CD46: variants seen among roughly 807,000 people sequenced by gnomAD.
The protein encoded by CD46 is CD46 molecule, also known as membrane cofactor protein.
In CD46, 30 loss-of-function variants were observed where a neutral mutation model predicts 53.3. That is an observed-to-expected ratio of 0.56 (90% CI 0.42 to 0.76). CD46 has a LOEUF of 0.76. CD46 is among the 30% of genes least tolerant of loss of function. The probability of loss-of-function intolerance (pLI) is 0.00; values close to 1 mark genes in which losing one functional copy is unlikely to be tolerated. For missense variants in CD46, 409 were observed against 463.0 expected (o/e 0.88, Z 1.07); for synonymous variants, 142 against 152.0 (o/e 0.93, Z 0.48).
chr1:207,778,200 C>T (rs992648465), intron 8 of CD46, among the ~76,000 whole-genome samples: 2 of 152,032 alleles, frequency 1.3e-5, no homozygotes, highest in African/African-American at 2.4e-5. Context: ...TTGTCAGATG[C>T]ATAGTTTGCA....
intron 4 of CD46, chr1:207,760,891 G>A (rs1490960515): frequency 1.6e-5 from 4 of 254,686 alleles, no homozygotes; most frequent in African/African-American, 4.6e-5. Context: ...CCAAGGGGAC[G>A]GTGCTAAACC....
In CD46 at chr1:207,783,337, A is replaced by G. The variant is rs2102680474; in HGVS notation, c.982+7A>G. On this transcript the variant is annotated splice_region_variant and intron_variant, in intron 9 of 12. Coordinates refer to ENST00000367042, the MANE Select transcript of CD46 (RefSeq NM_172351.3). Reference sequence around the variant, plus strand: ...GGAATACTTGACAGTTTGGGTTGGTATAGCTATCATGACAAATATAAGTGG... The same window carrying G: ...GGAATACTTGACAGTTTGGGTTGGTGTAGCTATCATGACAAATATAAGTGG... The G allele has an allele frequency of 6.5e-7, 1 of 1,531,492 alleles. No homozygotes were observed. Among genetic ancestry groups the G allele is most frequent in the East Asian group, 2.3e-5 (1 of 44,332 alleles). 94.9% of individuals were successfully genotyped at this position (1,531,492 alleles called of 1,614,324 possible).
At chr1:207,767,728 C>T in intron 6 of CD46, 51 bp from the exon 7 acceptor site, 1 of 1,589,414 alleles carries the variant, frequency 6.3e-7, no homozygotes. Context: ...AAATTGCCAG[C>T]AATAACTCCC....
intron 1 of CD46, among the ~76,000 whole-genome samples, chr1:207,754,831 T>C (rs1655338865): frequency 6.7e-6 from 1 of 148,798 alleles, no homozygotes; most frequent in Admixed American, 6.8e-5. Flanking sequence ...TAGGGAGTAG[T>C]GGTGATAAGA....
chr1:207,780,155 A>G (rs1240540069), intron 8 of CD46, among the ~76,000 whole-genome samples: 5 of 151,886 alleles, frequency 3.3e-5, no homozygotes, highest in Non-Finnish European at 7.4e-5. Context: ...TCTACTCATT[A>G]AACAGTAACT....
intron 5 of CD46, among the ~76,000 whole-genome samples, chr1:207,766,454 A>G (rs1656859447): frequency 6.6e-6 from 1 of 152,146 alleles, no homozygotes. Context: ...CCTGTGGGAG[A>G]GTATCAAGCA....
chr1:207,792,641 T>G (rs2102721810), intron 12 of CD46, among the ~76,000 whole-genome samples: 1 of 152,348 alleles, frequency 6.6e-6, no homozygotes. Context: ...ATGTGTTTGC[T>G]GTGGCACACA....
intron 9 of CD46, 94 bp downstream of exon 9, chr1:207,783,424 G>GGT: frequency 2.6e-6 from 2 of 776,192 alleles, no homozygotes; most frequent in Non-Finnish European, 4.7e-6. Flanking sequence ...TAGGATCCTT[G>GGT]GTAGGGTAAG....
chr1:207,768,189 C>A, intron 7 of CD46: 1 of 221,276 alleles, frequency 4.5e-6, no homozygotes, highest in Non-Finnish European at 9.0e-6. Context: ...TTAGAGCTAG[C>A]CAATATGACT....
intron 8 of CD46, among the ~76,000 whole-genome samples, chr1:207,773,306 T>C (rs1657723619): frequency 6.6e-6 from 1 of 152,212 alleles, no homozygotes; most frequent in African/African-American, 2.4e-5. Flanking sequence ...TTTATTAGTC[T>C]TGCTAGCGGT....
Position 207,794,306 on chromosome 1 carries a change from G to T in CD46, c.*829G>T, listed in dbSNP as rs1660061263. On this transcript the variant is annotated 3_prime_UTR_variant, in exon 13 of 13. Transcript: ENST00000367042. ...AATCAGATGCATCCTTTCATAAGAA[G>T]TGAGAGGACTCTGACAGCCATAACA... is the stretch of plus-strand genomic sequence containing the variant. 6.6e-6 allele frequency: 1 copy of T among 152,338 alleles called. No individual in the cohort carries two copies. The highest frequency in any genetic ancestry group is 1.5e-5 in the Non-Finnish European group (1 of 68,148). The allele number at this position is 152,338 out of a possible 1,614,324, so 9.4% of individuals were successfully genotyped here.
chr1:207,761,511 C>A, intron 5 of CD46, 65 bp downstream of exon 5: 1 of 1,308,592 alleles, frequency 7.6e-7, no homozygotes, highest in South Asian at 1.2e-5. Context: ...TAAATAGTTT[C>A]ATCTACAGAT....
At chr1:207,759,593 T>A in intron 3 of CD46, 46 bp from the exon 4 acceptor site, 1 of 1,024,232 alleles carries the variant, frequency 9.8e-7, no homozygotes, top group South Asian at 1.3e-5. Context: ...TATGTGTGTC[T>A]TATTAATTGC....
Position 207,785,050 on chromosome 1 carries a change from T to A in CD46, c.983-21T>A, listed in dbSNP as rs367574168. The A allele has an allele frequency of 1.7e-4, 270 of 1,605,420 alleles. 1 individual carries two copies. Among genetic ancestry groups the A allele is most frequent in the Non-Finnish European group, 2.2e-4 (262 of 1,172,522 alleles). The stretch of plus-strand genomic sequence containing the variant: ...CTGGAGATCCATGTGTTCAACATCT[T>A]GGAACTGTTTTCTTTCTCAGATGTT... On this transcript the variant is annotated intron_variant, in intron 9 of 12. Transcript: ENST00000367042.
Position 207,752,314 on chromosome 1 carries a change from G to A in CD46, c.97+5G>A, listed in dbSNP as rs1013794072. On this transcript the variant is annotated splice_donor_5th_base_variant and intron_variant, in intron 1 of 12. Coordinates refer to ENST00000367042, the MANE Select transcript of CD46 (RefSeq NM_172351.3). This position sits in a 1 kb window ranked among gnomAD's most constrained non-coding sequence, Gnocchi z 4.1. ...TGCTGCTGTACTCCTTCTCCGGTAG[G>A]ACCCCGGGGCGGGTTCGCGCGTCCG... The A allele has an allele frequency of 6.2e-7, 1 of 1,613,622 alleles. No homozygotes were observed. Among genetic ancestry groups the A allele is most frequent in the Non-Finnish European group, 8.5e-7 (1 of 1,179,760 alleles).
chr1:207,753,692 A>G (rs941337332), intron 1 of CD46, among the ~76,000 whole-genome samples: 3 of 152,164 alleles, frequency 2.0e-5, no homozygotes, highest in African/African-American at 7.2e-5. Context: ...CAAACAAAAA[A>G]AAAACCCGCT....
intron 5 of CD46, 35 bp downstream of exon 5, chr1:207,761,481 A>C: frequency 6.5e-7 from 1 of 1,531,864 alleles, no homozygotes; most frequent in East Asian, 2.2e-5. Context: ...TTCATTTGTA[A>C]ATACTATGGA....
At chr1:207,785,213 G>C in intron 10 of CD46, 107 bp downstream of exon 10, 1 of 887,744 alleles carries the variant, frequency 1.1e-6, no homozygotes, top group Non-Finnish European at 1.8e-6. Context: ...TTGTAAATTG[G>C]TTAAACCGAT....
chr1:207,754,712 C>G (rs1655321275), intron 1 of CD46, among the ~76,000 whole-genome samples: 1 of 152,062 alleles, frequency 6.6e-6, no homozygotes, highest in African/African-American at 2.4e-5. Flanking sequence ...CAGCTGAGAG[C>G]CAGAAAGGAT....
Sources: gnomAD v4.1 joint callset for allele counts (sites outside exome capture counted in the v4.1 genomes callset) on GRCh38, gnomAD v4.1.1 for gene constraint, Gnocchi (gnomAD v3.1) non-coding constraint, MANE v1.5 for transcripts, NCBI Gene and HGNC (gene_info 2026-07-23, HGNC 2026-07-21) for gene names.